Variants in CWF19L2 observed in about 807,000 individuals in gnomAD.
CWF19L2 encodes the protein CWF19 like cell cycle control factor 2.
A neutral mutation model predicts 111.7 loss-of-function variants in CWF19L2; 98 were observed. The observed-to-expected ratio is 0.88, with a 90% CI of 0.75 to 1.04. CWF19L2 has a LOEUF of 1.04. Ranked by LOEUF, CWF19L2 falls within the 50% of genes least tolerant of loss-of-function variation. The pLI is 0.00. For missense variants in CWF19L2, 1,101 were observed against 1,051.4 expected, an observed-to-expected ratio of 1.05 and a Z score of -0.65; for synonymous variants, 351 against 342.9, an observed-to-expected ratio of 1.02 and a Z score of -0.26.
chr11:107,437,119 C>A (rs189112334), intron 6 of CWF19L2, among the ~76,000 whole-genome samples: 11 of 152,102 alleles, frequency 7.2e-5, no homozygotes, highest in Admixed American at 3.3e-4. Flanking sequence ...TTGATAAAAC[C>A]TTCCCAAAAG....
intron 7 of CWF19L2, among the ~76,000 whole-genome samples, chr11:107,432,896 G>A (rs975661303): frequency 6.6e-6 from 1 of 151,990 alleles, no homozygotes; most frequent in African/African-American, 2.4e-5. Flanking sequence ...CAAGGGAAAG[G>A]AAAAGCATAT....
intron 8 of CWF19L2, among the ~76,000 whole-genome samples, chr11:107,419,813 CACCAT>C (rs1009677247): frequency 1.3e-5 from 2 of 151,984 alleles, no homozygotes; most frequent in African/African-American, 4.8e-5. Context: ...TTAAGTATCC[CACCAT>C]ACATGTAACG....
intron 10 of CWF19L2, among the ~76,000 whole-genome samples, chr11:107,399,052 A>G (rs1164792658): frequency 6.6e-6 from 1 of 152,204 alleles, no homozygotes; most frequent in East Asian, 1.9e-4. Flanking sequence ...TTTTGCTAAA[A>G]GGAGCTCTAA....
intron 12 of CWF19L2, among the ~76,000 whole-genome samples, chr11:107,355,466 A>C (rs546871099): frequency 1.3e-5 from 2 of 152,082 alleles, no homozygotes; most frequent in African/African-American, 4.8e-5. Context: ...AAAAAACAAA[A>C]CTACATGTTA....
chr11:107,331,328 GC>G (rs975418588), intron 16 of CWF19L2, among the ~76,000 whole-genome samples: 2 of 152,146 alleles, frequency 1.3e-5, no homozygotes, highest in Non-Finnish European at 2.9e-5. Context: ...TGAATATACT[GC>G]CTTAGGTGAC....
intron 12 of CWF19L2, among the ~76,000 whole-genome samples, chr11:107,371,095 G>T (rs1389740506): frequency 8.2e-6 from 1 of 121,812 alleles, no homozygotes; most frequent in Non-Finnish European, 1.7e-5. Context: ...CTCACTGCAA[G>T]CTCTGCCTCC....
At chr11:107,395,405 C>T (rs905157676) in intron 10 of CWF19L2, among the ~76,000 whole-genome samples, 1 of 152,158 alleles carries the variant, frequency 6.6e-6, no homozygotes, top group African/African-American at 2.4e-5. Context: ...TGAAAACAGA[C>T]AAATACAAGA....
intron 8 of CWF19L2, among the ~76,000 whole-genome samples, chr11:107,422,359 C>T (rs867465330): frequency 5.3e-5 from 8 of 152,124 alleles, no homozygotes; most frequent in Middle Eastern, 3.4e-3. Context: ...CTAGAACCAA[C>T]TCCCACGAAT....
At chr11:107,358,694 G>A (rs1365689434) in intron 12 of CWF19L2, among the ~76,000 whole-genome samples, 1 of 152,198 alleles carries the variant, frequency 6.6e-6, no homozygotes, top group African/African-American at 2.4e-5. Flanking sequence ...GGCTTAAGGA[G>A]GAAGAGTTGA....
intron 14 of CWF19L2, among the ~76,000 whole-genome samples, chr11:107,338,797 AT>A (rs1462680086): frequency 1.3e-5 from 2 of 152,124 alleles, no homozygotes; most frequent in African/African-American, 4.8e-5. Flanking sequence ...TATGTACCAC[AT>A]TTTTTTATCC....
At chr11:107,445,623 G>C (rs1485954345) in intron 3 of CWF19L2, among the ~76,000 whole-genome samples, 1 of 146,388 alleles carries the variant, frequency 6.8e-6, no homozygotes, top group Non-Finnish European at 1.5e-5. Context: ...AAAAAAAGTA[G>C]TAGCCCTAGA....
intron 13 of CWF19L2, 134 bp downstream of exon 13, chr11:107,353,390 G>C: frequency 1.5e-6 from 1 of 678,210 alleles, no homozygotes; most frequent in Non-Finnish European, 2.5e-6. Flanking sequence ...TCTTCACGGA[G>C]CTTAAAAATT....
At chr11:107,426,797 T>C (rs1365246777) in intron 8 of CWF19L2, among the ~76,000 whole-genome samples, 1 of 151,576 alleles carries the variant, frequency 6.6e-6, no homozygotes, top group Non-Finnish European at 1.5e-5. Flanking sequence ...ATTTTATACA[T>C]TAAGTTAAAT....
At position 107,326,541 on chromosome 11, in the gene CWF19L2, A is replaced by G. The variant is rs572985364; in HGVS notation, c.*369T>C. 1 of 167,810 alleles carries G rather than the reference A, an allele frequency of 6.0e-6. No homozygotes were observed. Among genetic ancestry groups the G allele is most frequent in the South Asian group, 2.0e-4 (1 of 4,980 alleles). The allele number at this position is 167,810 out of a possible 1,614,324, so 10.4% of individuals were successfully genotyped here. On this transcript the variant is annotated 3_prime_UTR_variant, in exon 18 of 18. Coordinates refer to ENST00000282251, the MANE Select transcript of CWF19L2 (RefSeq NM_152434.3). ...CAAAAGAAGCCAGACAGTAGACTTA[A>G]CAACCATGAAGCAGACCCACTTCCC...
At chr11:107,376,033 C>T (rs1212065938) in intron 12 of CWF19L2, among the ~76,000 whole-genome samples, 2 of 122,060 alleles carry the variant, frequency 1.6e-5, no homozygotes, top group East Asian at 2.4e-4. Context: ...ATAAATTCCT[C>T]GACACATACA....
Position 107,428,852 on chromosome 11 carries a change from T to G in CWF19L2, c.1380A>C (p.Arg460Ser). The stretch of plus-strand genomic sequence containing the variant: ...GATGTTCTTTTTTTGGAGGGTCATC[T>G]CTCAAGACTTCATCTTGTGATTTTT... ...PREKSQDEVL[R>S]DDPPKKEHLR... Residue 460 changes from arginine to serine, a missense_variant, in exon 8 of 18, where the codon AGA (arginine) becomes AGC (serine). Coordinates refer to ENST00000282251, the MANE Select transcript of CWF19L2 (RefSeq NM_152434.3). 1.2e-6 allele frequency: 2 copies of G among 1,613,344 alleles called. No homozygotes were observed. Among genetic ancestry groups the G allele is most frequent in the Non-Finnish European group, 1.7e-6 (2 of 1,179,654 alleles).
intron 12 of CWF19L2, among the ~76,000 whole-genome samples, chr11:107,363,226 G>A (rs1860384648): frequency 6.6e-6 from 1 of 152,084 alleles, no homozygotes. Flanking sequence ...CAGGGAGAAT[G>A]GAACCAAGTT....
chr11:107,335,036 A>T, intron 15 of CWF19L2, 75 bp from the exon 16 acceptor site: 1 of 879,160 alleles, frequency 1.1e-6, no homozygotes, highest in Non-Finnish European at 1.9e-6. Context: ...AACAAGTAAT[A>T]TAGCAAATTA....
chr11:107,424,651 A>C (rs1234795791), intron 8 of CWF19L2, among the ~76,000 whole-genome samples: 1 of 151,814 alleles, frequency 6.6e-6, no homozygotes, highest in Non-Finnish European at 1.5e-5. Context: ...CTAGAATCTC[A>C]ATAGATCTTT....
Sources: gnomAD v4.1 joint callset for allele counts (sites outside exome capture counted in the v4.1 genomes callset) on GRCh38, gnomAD v4.1.1 for gene constraint, MANE v1.5 for transcripts, NCBI Gene and HGNC (gene_info 2026-07-23, HGNC 2026-07-21) for gene names.